PKD1L3: variants seen among roughly 807,000 people sequenced by gnomAD.
PKD1L3 encodes the protein polycystin 1 like 3, transient receptor potential channel interacting.
PKD1L3 carries 239 observed loss-of-function variants against 184.1 expected under a neutral mutation model. That is an observed-to-expected ratio of 1.30 (90% confidence interval 1.17 to 1.45). The LOEUF is 1.45. PKD1L3 is among the 40% of genes most tolerant of loss of function. PKD1L3 has a pLI of 0.00. For synonymous variants in PKD1L3, 996 were observed against 778.8 expected (o/e 1.28, Z -4.64); for missense variants, 2,660 against 2,067.2 (o/e 1.29, Z -5.56).
chr16:71,986,081 G>C, intron 5 of PKD1L3, 140 bp downstream of exon 5: 1 of 1,122,494 alleles, frequency 8.9e-7, no homozygotes, highest in Non-Finnish European at 1.2e-6. Flanking sequence ...CCATGGACTT[G>C]TTTAGTTTTT....
chr16:71,959,485 T>A (rs1202793577), intron 16 of PKD1L3, among the ~76,000 whole-genome samples: 1 of 152,084 alleles, frequency 6.6e-6, no homozygotes, highest in Non-Finnish European at 1.5e-5. Flanking sequence ...AAATTGATAT[T>A]AATTATTTAA....
At chr16:71,993,464 G>A (rs1233052293) in intron 2 of PKD1L3, 132 bp from the exon 3 acceptor site, 2 of 612,812 alleles carry the variant, frequency 3.3e-6, no homozygotes, top group Non-Finnish European at 2.7e-6. Context: ...AGTTTTTTAA[G>A]GACACTAAGA....
Position 71,930,032 on chromosome 16 carries a change from T to G in PKD1L3, c.5058+20A>C. The stretch of plus-strand genomic sequence containing the variant: ...TCCCAGTGATATAACAGCATGCTAG[T>G]TTATCTTTTAGTTACCTACCTTAAG... On this transcript the variant is annotated intron_variant, in intron 29 of 29. Coordinates refer to ENST00000620267, the MANE Select transcript of PKD1L3 (RefSeq NM_181536.2). 6.5e-7 allele frequency: 1 copy of G among 1,542,738 alleles called. No homozygotes were observed. The highest frequency in any genetic ancestry group is 8.7e-7 in the Non-Finnish European group (1 of 1,143,632).
chr16:71,966,386 T>G (rs1432023639), intron 15 of PKD1L3, among the ~76,000 whole-genome samples: 1 of 151,952 alleles, frequency 6.6e-6, no homozygotes, highest in African/African-American at 2.4e-5. Context: ...TAGGCACATC[T>G]CATACAGTAA....
intron 11 of PKD1L3, among the ~76,000 whole-genome samples, chr16:71,976,319 G>A (rs1232700697): frequency 2.8e-5 from 4 of 141,238 alleles, no homozygotes; most frequent in Non-Finnish European, 3.0e-5. Context: ...GCAATGGTGC[G>A]ATCTTGGCTC....
At chr16:71,996,202 AT>A (rs956689149) in intron 2 of PKD1L3, among the ~76,000 whole-genome samples, 14 of 147,694 alleles carry the variant, frequency 9.5e-5, no homozygotes, top group Non-Finnish European at 1.3e-4. Flanking sequence ...TCATGTCAAA[AT>A]TTTTTTTCAA....
At chr16:71,983,977 T>C (rs2040263040) in intron 6 of PKD1L3, 59 bp downstream of exon 6, 1 of 1,538,182 alleles carries the variant, frequency 6.5e-7, no homozygotes, top group East Asian at 2.5e-5. Context: ...ATTCTCTTTT[T>C]CTGTTTTCCG....
chr16:71,954,568 A>T (rs2038975168), intron 16 of PKD1L3, among the ~76,000 whole-genome samples: 1 of 152,228 alleles, frequency 6.6e-6, no homozygotes, highest in Non-Finnish European at 1.5e-5. Flanking sequence ...TTTAAAATTA[A>T]AAATGGTTGT....
chr16:71,950,183 G>C lies in PKD1L3; in HGVS notation c.3318C>G (p.Ser1106Arg). 1.3e-6 allele frequency: 2 copies of C among 1,552,282 alleles called. No homozygotes were observed. Among genetic ancestry groups the C allele is most frequent in the Non-Finnish European group, 1.7e-6 (2 of 1,147,124 alleles). Residue 1106 changes from serine to arginine, a missense_variant, in exon 20 of 30, where the codon AGC (serine) becomes AGG (arginine). By Grantham distance (110) the Ser-to-Arg change is moderately radical. Transcript: ENST00000620267. ...AGAGTTCCTGGAGTTTTTGAAGTTGGCTGGCTGCATCTAGGAAGTCACAGG... is the reference window on the plus strand; with the variant it reads ...AGAGTTCCTGGAGTTTTTGAAGTTGCCTGGCTGCATCTAGGAAGTCACAGG... ...HQSCDFLDAA[S>R]QLQKLQELLE...
chr16:71,998,343 G>A lies in PKD1L3; in HGVS notation c.347C>T (p.Ser116Phe), dbSNP rs1448572846. The A allele has an allele frequency of 6.4e-7, 1 of 1,551,958 alleles. No homozygotes were observed. Among genetic ancestry groups the A allele is most frequent in the Non-Finnish European group, 8.7e-7 (1 of 1,147,052 alleles). Residue 116 changes from serine to phenylalanine, a missense_variant, in exon 2 of 30, where the codon TCC becomes TTC. Transcript: ENST00000620267. Reference sequence around the variant, plus strand: ...GGATGAGATCCGAATGAAGTTTCTGGACAGGTAGGTGCAGCTGAGGGGCTT... The same window carrying A: ...GGATGAGATCCGAATGAAGTTTCTGAACAGGTAGGTGCAGCTGAGGGGCTT... Reference protein sequence around the residue: ...PPKPLSCTYLSRNFIRISSKG... With the variant: ...PPKPLSCTYLFRNFIRISSKG...
rs1597274914 is a variant in PKD1L3, at chr16:71,933,835, T to A, written c.4824+80A>T. On this transcript the variant is annotated intron_variant, in intron 27 of 29. Transcript: ENST00000620267. ...ACTGTACCACCTCGGGTTTCTGTGT[T>A]GTGACCATTTCTATGGGAAGCGATG... The A allele has an allele frequency of 2.0e-6, 3 of 1,466,832 alleles. No homozygotes were observed. The East Asian group carries it at 7.5e-5, about 37-fold the overall frequency. The allele number at this position is 1,466,832 out of a possible 1,614,324, so 90.9% of individuals were successfully genotyped here.
In PKD1L3 at chr16:71,999,796, A is replaced by G. The variant is rs562088208; in HGVS notation, c.183T>C (p.Ile61=). 1 of 1,551,720 alleles carries G rather than the reference A, an allele frequency of 6.4e-7. No individual in the cohort carries two copies. Residue 61 remains isoleucine, a synonymous_variant, in exon 1 of 30, where the codon ATT becomes ATC. Coordinates refer to ENST00000620267, the MANE Select transcript of PKD1L3 (RefSeq NM_181536.2). ...CHVQRGFLAH[I]WNKEVQDLIR... is the part of the protein sequence containing the mutation. ...TGAGATCTTGAACTTCCTTGTTCCA[A>G]ATATGAGCTAGGAATCCTCTCTGCA...
chr16:71,937,313 G>A lies in PKD1L3; in HGVS notation c.4431C>T (p.Val1477=). The part of the protein sequence containing the change: ...IISQVIYYLL[V]CYYAFIQGCQ... ...TCACCTGTATGAAGGCATAGTAACA[G>A]ACCAGTAGATAATAGATGACTTGTG... Residue 1477 remains valine, a synonymous_variant, in exon 25 of 30, where the codon GTC becomes GTT. Coordinates refer to ENST00000620267, the MANE Select transcript of PKD1L3 (RefSeq NM_181536.2). 1 of 1,551,470 alleles carries A rather than the reference G, an allele frequency of 6.4e-7. No homozygotes were observed. The highest frequency in any genetic ancestry group is 8.7e-7 in the Non-Finnish European group (1 of 1,146,900).
intron 5 of PKD1L3, among the ~76,000 whole-genome samples, chr16:71,984,586 G>A (rs1025616237): frequency 3.3e-5 from 5 of 152,174 alleles, no homozygotes; most frequent in Non-Finnish European, 7.3e-5. Flanking sequence ...AAGGCTGGGC[G>A]TGATGGCTCA....
chr16:71,987,269 G>A (rs1040473820), intron 4 of PKD1L3, among the ~76,000 whole-genome samples: 1 of 151,358 alleles, frequency 6.6e-6, no homozygotes, highest in African/African-American at 2.4e-5. Context: ...CACCCGGGCT[G>A]GAGTACAGTG....
At chr16:71,986,871 G>C (rs893876483) in intron 4 of PKD1L3, among the ~76,000 whole-genome samples, 5 of 148,994 alleles carry the variant, frequency 3.4e-5, no homozygotes, top group East Asian at 2.0e-4. Flanking sequence ...GCTAAGCAGA[G>C]AGAAAGTGGA....
intron 22 of PKD1L3, 123 bp downstream of exon 22, chr16:71,947,369 G>A: frequency 1.5e-6 from 1 of 650,402 alleles, no homozygotes; most frequent in Non-Finnish European, 2.7e-6. Context: ...GGGCAGAAAA[G>A]GAGAAATAAC....
intron 5 of PKD1L3, 144 bp downstream of exon 5, chr16:71,986,077 A>G (rs191220813): frequency 6.5e-6 from 7 of 1,073,424 alleles, no homozygotes; most frequent in Non-Finnish European, 7.9e-6. Flanking sequence ...GTTTCCATGG[A>G]CTTGTTTAGT....
intron 22 of PKD1L3, among the ~76,000 whole-genome samples, chr16:71,946,430 T>C (rs555678342): frequency 6.6e-6 from 1 of 152,276 alleles, no homozygotes; most frequent in African/African-American, 2.4e-5. Context: ...TAACCTCTTG[T>C]CAAGACATGC....
Sources: allele counts gnomAD v4.1 joint callset (sites outside exome capture counted in the v4.1 genomes callset), GRCh38; gene constraint gnomAD v4.1.1; transcripts MANE v1.5; gene names NCBI Gene and HGNC (gene_info 2026-07-23, HGNC 2026-07-21).